The following SPTBN4 variants were observed in gnomAD, a reference collection of about 807,000 sequenced individuals.
SPTBN4 encodes spectrin beta, non-erythrocytic 4, also known as spectrin beta chain, non-erythrocytic 4.
SPTBN4 carries 96 observed loss-of-function variants against 277.8 expected under a neutral mutation model. That is an observed-to-expected ratio of 0.35 (90% confidence interval 0.29 to 0.41). The LOEUF (loss-of-function observed/expected upper bound fraction) is 0.41, where lower values mean the gene tolerates loss of function less well. Ranked by LOEUF, SPTBN4 falls within the 10% of genes least tolerant of loss-of-function variation. The pLI is 1.00. For synonymous variants in SPTBN4, 1,481 were observed against 1,580.3 expected (o/e 0.94, Z 1.49); for missense variants, 3,006 against 3,595.7 (o/e 0.84, Z 4.19).
chr19:40,499,099 G>T (rs2080235143), intron 7 of SPTBN4, among the ~76,000 whole-genome samples: 2 of 151,736 alleles, frequency 1.3e-5, no homozygotes, highest in South Asian at 2.1e-4. Flanking sequence ...GGCGATCCTA[G>T]CTCACTGCAA....
Position 40,565,527 on chromosome 19 carries a change from C to A in SPTBN4, c.6020C>A (p.Ser2007Tyr), listed in dbSNP as rs2081082760. The change falls in exon 28 of 36, where the codon TCT becomes TAT. Residue 2007 changes from serine (S) to tyrosine (Y), a missense_variant. Physicochemically the swap from Ser to Tyr is moderately radical, Grantham distance 144 (BLOSUM62 -2). Transcript: ENST00000598249. ...ACCACCTGCCAGGAGCTGGGGCGAT[C>A]TCTGCTGCTCAACAAAAGTGCCATG... ...ELTTCQELGR[S>Y]LLLNKSAMAD... 6.2e-7 allele frequency: 1 copy of A among 1,614,008 alleles called. No homozygotes were observed. Among genetic ancestry groups the A allele is most frequent in the Admixed American group, 1.7e-5 (1 of 59,992 alleles).
chr19:40,567,564 A>G, intron 30 of SPTBN4, 99 bp from the exon 31 acceptor site: 1 of 1,222,262 alleles, frequency 8.2e-7, no homozygotes, highest in South Asian at 1.7e-5. Context: ...TGGTCAATTG[A>G]GTGATGAGGC....
chr19:40,502,497 A>AT lies in SPTBN4; in HGVS notation c.1194dup (p.Ile399TyrfsTer2). ...CCTCGGGAGGGCTGTGGCATCTGGG[A>AT]TATTGACAAGGTGAGGCCGGGGATG... On this transcript the variant is annotated frameshift_variant, in exon 10 of 36. Coordinates refer to ENST00000598249, the MANE Select transcript of SPTBN4 (RefSeq NM_020971.3). LOFTEE classifies it high-confidence loss of function. This position sits in a 1 kb window ranked among gnomAD's most constrained non-coding sequence, Gnocchi z 4.9. The AT allele has an allele frequency of 6.2e-7, 1 of 1,612,490 alleles. No homozygotes were observed. Among genetic ancestry groups the AT allele is most frequent in the Non-Finnish European group, 8.5e-7 (1 of 1,179,550 alleles).
At chr19:40,499,549 TC>T (rs560892129) in intron 7 of SPTBN4, among the ~76,000 whole-genome samples, 3 of 151,332 alleles carry the variant, frequency 2.0e-5, no homozygotes, top group African/African-American at 7.3e-5. Context: ...ACGACCATGC[TC>T]AGCTAATTTT....
intron 17 of SPTBN4, among the ~76,000 whole-genome samples, chr19:40,526,871 G>GA (rs756781081): frequency 7.2e-5 from 11 of 152,216 alleles, no homozygotes; most frequent in Non-Finnish European, 1.5e-4. Flanking sequence ...TTACAGGCGT[G>GA]AGCCATCGTG....
At chr19:40,476,649 A>G (rs2145805440) in intron 2 of SPTBN4, among the ~76,000 whole-genome samples, 1 of 152,194 alleles carries the variant, frequency 6.6e-6, no homozygotes, top group African/African-American at 2.4e-5. Flanking sequence ...GGGCAGTGAC[A>G]CTATCTCGGC....
intron 3 of SPTBN4, among the ~76,000 whole-genome samples, chr19:40,489,687 C>T (rs1415059884): frequency 1.3e-5 from 2 of 152,132 alleles, no homozygotes; most frequent in African/African-American, 2.4e-5. Flanking sequence ...TACGCCGGGG[C>T]GGCCATGGGA....
chr19:40,570,613 C>T lies in SPTBN4; in HGVS notation c.7204C>T (p.Pro2402Ser), dbSNP rs748932533. The change falls in exon 33 of 36, where the codon CCG (proline) becomes TCG (serine). Residue 2402 changes from proline to serine, a missense_variant. Physicochemically the swap from Pro to Ser is moderately conservative, Grantham distance 74. This residue lies in a region of SPTBN4 where 630 missense variants were observed against 677.6 expected (regional missense o/e 0.93). Coordinates refer to ENST00000598249, the MANE Select transcript of SPTBN4 (RefSeq NM_020971.3). Reference sequence around the variant, plus strand: ...GGGAAGCCGGCGCTCGCGCTCCGCCCCGGCCCAGGGCGGCTCCGCCCCCGC... The same window carrying T: ...GGGAAGCCGGCGCTCGCGCTCCGCCTCGGCCCAGGGCGGCTCCGCCCCCGC... ...GGGSRRSRSA[P>S]AQGGSAPAPP... 29 of 1,420,128 alleles carry T rather than the reference C, an allele frequency of 2.0e-5. No individual in the cohort carries two copies. The highest frequency in any genetic ancestry group is 2.6e-5 in the Non-Finnish European group (28 of 1,086,630). The allele number at this position is 1,420,128 out of a possible 1,614,324, so 88.0% of individuals were successfully genotyped here. A position where few individuals can be genotyped will look rare whatever the true frequency, so the allele number is the denominator to read the frequency against.
chr19:40,549,305 G>T lies in SPTBN4; in HGVS notation c.4476G>T (p.Ala1492=), dbSNP rs930835781. ...SKELVGERQN[A]VGERLVRLLE... ...AGCTGGTGGGTGAGCGGCAGAACGC[G>T]GTGGGCGAGCGCCTGGTGCGCCTGC... Residue 1492 remains alanine, a synonymous_variant, in exon 21 of 36, where the codon GCG becomes GCT. Transcript: ENST00000598249. 4 of 1,541,332 alleles carry T rather than the reference G, an allele frequency of 2.6e-6. No individual in the cohort carries two copies. In the South Asian group the frequency reaches 3.6e-5, roughly 14 times the overall value.
chr19:40,487,992 G>T, intron 3 of SPTBN4, 144 bp downstream of exon 3: 1 of 964,898 alleles, frequency 1.0e-6, no homozygotes. Context: ...TGGGTAAGAG[G>T]TCCCTCTACT....
chr19:40,484,663 C>T (rs2080048706), intron 2 of SPTBN4, among the ~76,000 whole-genome samples: 1 of 151,948 alleles, frequency 6.6e-6, no homozygotes, highest in Admixed American at 6.6e-5. Flanking sequence ...CGAGGTGGCT[C>T]ACGCCTGTAA....
At chr19:40,511,498 CTTCTA>C (rs2080390708) in intron 13 of SPTBN4, among the ~76,000 whole-genome samples, 1 of 152,188 alleles carries the variant, frequency 6.6e-6, no homozygotes, top group Non-Finnish European at 1.5e-5. Context: ...TTTTCCGTTC[CTTCTA>C]TTCTATTCCA....
intron 2 of SPTBN4, among the ~76,000 whole-genome samples, chr19:40,475,560 A>G (rs555881772): frequency 6.6e-6 from 1 of 152,036 alleles, no homozygotes; most frequent in Non-Finnish European, 1.5e-5. Flanking sequence ...TCCCAGGTTC[A>G]TGAGATTCTC....
At chr19:40,523,691 A>G (rs765809622) in intron 17 of SPTBN4, 52 bp downstream of exon 17, 5 of 1,524,260 alleles carry the variant, frequency 3.3e-6, no homozygotes, top group Non-Finnish European at 4.4e-6. Context: ...GATGGGGCCC[A>G]GCATAGGGGA....
chr19:40,528,124 C>G (rs1390952981), intron 17 of SPTBN4, among the ~76,000 whole-genome samples: 2 of 151,252 alleles, frequency 1.3e-5, no homozygotes, highest in Admixed American at 6.6e-5. Flanking sequence ...TCTAAGGACT[C>G]TCATGGAGAC....
intron 18 of SPTBN4, chr19:40,530,606 A>AG: frequency 1.0e-6 from 1 of 964,624 alleles, no homozygotes; most frequent in Non-Finnish European, 1.2e-6. Context: ...GGGGGCGCCC[A>AG]GGGGAGGGGG....
intron 7 of SPTBN4, among the ~76,000 whole-genome samples, chr19:40,498,362 G>GTTTTA (rs1368863793): frequency 7.5e-5 from 11 of 147,336 alleles, no homozygotes; most frequent in East Asian, 2.0e-4. Context: ...TATCAACCCT[G>GTTTTA]TTTTATTTTA....
At chr19:40,482,925 C>T (rs2080028764) in intron 2 of SPTBN4, among the ~76,000 whole-genome samples, 1 of 151,982 alleles carries the variant, frequency 6.6e-6, no homozygotes, top group East Asian at 1.9e-4. Flanking sequence ...TACACCACTG[C>T]ACTCCAGCCT....
At chr19:40,523,672 G>A (rs764453658) in intron 17 of SPTBN4, 33 bp downstream of exon 17, 13 of 1,569,506 alleles carry the variant, frequency 8.3e-6, no homozygotes, top group Non-Finnish European at 1.1e-5. Flanking sequence ...CCCCAGGGAG[G>A]GGGCAGAAGA....
Sources: allele counts gnomAD v4.1 joint callset (sites outside exome capture counted in the v4.1 genomes callset), GRCh38; gene constraint gnomAD v4.1.1; regional missense constraint gnomAD v4.1.1; non-coding constraint Gnocchi (gnomAD v3.1); transcripts MANE v1.5; gene names NCBI Gene and HGNC (gene_info 2026-07-23, HGNC 2026-07-21).